Variants in ARHGEF12 observed in about 807,000 individuals in gnomAD.
The protein encoded by ARHGEF12 is KMT2A/ARHGEF12 fusion protein.
Under a neutral mutation model 211.2 loss-of-function variants are expected in ARHGEF12, and 66 were observed. The observed-to-expected ratio is 0.31, with a 90% CI of 0.26 to 0.38. The LOEUF is 0.38. Ranked by LOEUF, ARHGEF12 falls within the 10% of genes least tolerant of loss-of-function variation. ARHGEF12 has a pLI of 1.00. For synonymous variants in ARHGEF12, 592 were observed against 638.4 expected (o/e 0.93, Z 1.09); for missense variants, 1,429 against 1,869.5 (o/e 0.76, Z 4.34).
At chr11:120,386,017 A>G (rs1330162522) in intron 1 of ARHGEF12, among the ~76,000 whole-genome samples, 2 of 152,122 alleles carry the variant, frequency 1.3e-5, no homozygotes, top group Admixed American at 1.3e-4. Flanking sequence ...CTGTTTTTGC[A>G]TTGGAAACTA....
chr11:120,401,644 A>G (rs1284784513), intron 1 of ARHGEF12, among the ~76,000 whole-genome samples: 1 of 152,206 alleles, frequency 6.6e-6, no homozygotes, highest in East Asian at 1.9e-4. Context: ...AGTGGCAGGT[A>G]TGGTCAACAC....
intron 33 of ARHGEF12, chr11:120,476,103 C>G (rs1741839478): frequency 6.6e-6 from 1 of 152,564 alleles, no homozygotes; most frequent in African/African-American, 2.4e-5. Flanking sequence ...GAGGGTCCCA[C>G]CCTGTCACCC....
At position 120,375,092 on chromosome 11, in the gene ARHGEF12, C is replaced by A. The variant is rs562927810; in HGVS notation, c.33-31026C>A. Among the ~76,000 whole-genome samples, 5 of 152,308 alleles carry A rather than the reference C, an allele frequency of 3.3e-5. No homozygotes were observed. In the East Asian group the frequency reaches 7.7e-4, roughly 24 times the overall value. ...TAAGAGAGAAGACTTAATTTAAACT[C>A]AAATAAACATGCCCAGAATGACCCT... On this transcript the variant is annotated intron_variant, in intron 1 of 40. Coordinates refer to ENST00000397843, the MANE Select transcript of ARHGEF12 (RefSeq NM_015313.3).
chr11:120,474,947 C>T (rs1253251538), intron 32 of ARHGEF12, among the ~76,000 whole-genome samples: 2 of 152,048 alleles, frequency 1.3e-5, no homozygotes, highest in Non-Finnish European at 2.9e-5. Context: ...GATGAGGAAC[C>T]GTTTTTGTTT....
At chr11:120,476,489 A>T (rs558676924) in intron 33 of ARHGEF12, 172 bp from the exon 34 acceptor site, 13 of 448,914 alleles carry the variant, frequency 2.9e-5, no homozygotes, top group Non-Finnish European at 4.8e-5. Flanking sequence ...TACAATAAAT[A>T]CGTTAATATG....
In ARHGEF12 at chr11:120,429,723, A is replaced by G. The variant is rs1945469847; in HGVS notation, c.675A>G (p.Glu225=). ...TTATAACTTTTCAGTTATTGCAGGAAGATTACAACCGAACACCTGCCCAAA... is the reference window on the plus strand; with the variant it reads ...TTATAACTTTTCAGTTATTGCAGGAGGATTACAACCGAACACCTGCCCAAA... The part of the protein sequence containing the change: ...KEQERLQLLQ[E]DYNRTPAQRL... Residue 225 remains glutamate (E), a synonymous_variant, in exon 10 of 41, where the codon GAA becomes GAG. Coordinates refer to ENST00000397843, the MANE Select transcript of ARHGEF12 (RefSeq NM_015313.3). The G allele has an allele frequency of 6.2e-7, 1 of 1,611,228 alleles. No individual in the cohort carries two copies. Among genetic ancestry groups the G allele is most frequent in the African/African-American group, 1.3e-5 (1 of 74,890 alleles).
At chr11:120,421,658 G>C in intron 5 of ARHGEF12, 145 bp from the exon 6 acceptor site, 2 of 680,390 alleles carry the variant, frequency 2.9e-6, no homozygotes, top group South Asian at 1.7e-5. Context: ...GGATGGTCTC[G>C]ATCTCTTGAC....
At chr11:120,483,651 G>C (rs184134018) in intron 39 of ARHGEF12, among the ~76,000 whole-genome samples, 1 of 151,796 alleles carries the variant, frequency 6.6e-6, no homozygotes, top group East Asian at 1.9e-4. Flanking sequence ...GTCTTGCTCT[G>C]TCGCCCAGGC....
In ARHGEF12 at chr11:120,451,508, T is replaced by G; in HGVS notation, c.1844-4T>G. 1.2e-6 allele frequency: 2 copies of G among 1,613,802 alleles called. No individual in the cohort carries two copies. The highest frequency in any genetic ancestry group is 8.5e-7 in the Non-Finnish European group (1 of 1,179,954). On this transcript the variant is annotated splice_polypyrimidine_tract_variant and splice_region_variant and intron_variant, in intron 21 of 40. Coordinates refer to ENST00000397843, the MANE Select transcript of ARHGEF12 (RefSeq NM_015313.3). The stretch of plus-strand genomic sequence containing the variant: ...CAGATTATTAACCATCATTTTCTGA[T>G]CAGTTGGCAGAGCCATGGAACTACA...
intron 2 of ARHGEF12, among the ~76,000 whole-genome samples, chr11:120,406,995 C>T (rs1443612305): frequency 1.3e-5 from 2 of 152,148 alleles, no homozygotes; most frequent in Non-Finnish European, 2.9e-5. Context: ...TTCAGCATTT[C>T]TTCTGTTATC....
chr11:120,474,481 A>C (rs1946966810), intron 31 of ARHGEF12, 79 bp from the exon 32 acceptor site: 1 of 922,796 alleles, frequency 1.1e-6, no homozygotes, highest in African/African-American at 1.7e-5. Flanking sequence ...AATTTCTTTA[A>C]AAGAGACTGT....
At chr11:120,482,742 C>G (rs1353568536) in intron 39 of ARHGEF12, among the ~76,000 whole-genome samples, 9 of 118,838 alleles carry the variant, frequency 7.6e-5, no homozygotes, top group Non-Finnish European at 1.7e-4. Flanking sequence ...GAGACTCTGT[C>G]TCAAAAAAAA....
intron 1 of ARHGEF12, among the ~76,000 whole-genome samples, chr11:120,390,869 ATT>A (rs1565447382): frequency 1.3e-5 from 2 of 152,196 alleles, no homozygotes; most frequent in Non-Finnish European, 2.9e-5. Flanking sequence ...AGAACCTCAC[ATT>A]TCTCTTCAAT....
chr11:120,473,020 AACCTTGGTTCC>A lies in ARHGEF12; in HGVS notation c.2956-26_2956-16del, dbSNP rs758327152. ...AGAGGTCATTAATGACCAAAGCACT[AACCTTGGTTCC>A]ACCCTGCCTAATTTTCAGCGCCTAG... On this transcript the variant is annotated intron_variant, in intron 30 of 40. Coordinates refer to ENST00000397843, the MANE Select transcript of ARHGEF12 (RefSeq NM_015313.3). 10 of 1,599,800 alleles carry A rather than the reference AACCTTGGTTCC, an allele frequency of 6.3e-6. No individual in the cohort carries two copies. Among genetic ancestry groups the A allele is most frequent in the Admixed American group, 1.7e-5 (1 of 59,902 alleles).
At chr11:120,441,850 T>C in intron 14 of ARHGEF12, 33 bp downstream of exon 14, 1 of 1,584,778 alleles carries the variant, frequency 6.3e-7, no homozygotes, top group Non-Finnish European at 8.7e-7. Flanking sequence ...AGATTCAGAG[T>C]TCTTCTGTTG....
At chr11:120,470,412 T>C (rs191464976) in intron 30 of ARHGEF12, among the ~76,000 whole-genome samples, 33 of 152,310 alleles carry the variant, frequency 2.2e-4, no homozygotes, top group African/African-American at 7.9e-4. Context: ...CCCCCAGGTT[T>C]CTGGATTGCA....
In ARHGEF12 at chr11:120,429,768, A is replaced by G; in HGVS notation, c.720A>G (p.Gln240=). 1.2e-6 allele frequency: 2 copies of G among 1,614,014 alleles called. No individual in the cohort carries two copies. Among genetic ancestry groups the G allele is most frequent in the South Asian group, 1.1e-5 (1 of 91,064 alleles). Residue 240 remains glutamine, a synonymous_variant, in exon 10 of 41, where the codon CAA becomes CAG. Transcript: ENST00000397843. The part of the protein sequence containing the change: ...TPAQRLLKEI[Q]EAKKHIPQLQ... ...CCCAAAGATTGCTAAAAGAGATCCA[A>G]GAGGCCAAGAAACACATTCCTCAGC...
At chr11:120,468,691 T>C (rs536886331) in intron 29 of ARHGEF12, among the ~76,000 whole-genome samples, 1 of 152,322 alleles carries the variant, frequency 6.6e-6, no homozygotes, top group South Asian at 2.1e-4. Context: ...CCTCAGGCAG[T>C]CCGCCTGCCT....
At position 120,361,050 on chromosome 11, in the gene ARHGEF12, G is replaced by A. The variant is rs376830145; in HGVS notation, c.32+23775G>A. ...CAAGAATCACAACTCTCAAGTCTGC[G>A]TACTTGGAAAGATCATAATACAGTT... On this transcript the variant is annotated intron_variant, in intron 1 of 40. Coordinates refer to ENST00000397843, the MANE Select transcript of ARHGEF12 (RefSeq NM_015313.3). 2.9e-4 allele frequency among the ~76,000 whole-genome samples: 44 copies of A among 152,248 alleles called. No individual in the cohort carries two copies. The South Asian group carries it at 6.0e-3, about 21-fold the overall frequency.
Sources: gnomAD v4.1 joint callset for allele counts (sites outside exome capture counted in the v4.1 genomes callset) on GRCh38, gnomAD v4.1.1 for gene constraint, MANE v1.5 for transcripts, NCBI Gene and HGNC (gene_info 2026-07-23, HGNC 2026-07-21) for gene names.